The following RAD54B variants were observed in gnomAD, a reference collection of about 807,000 sequenced individuals.
RAD54B encodes the protein RAD54 homolog B.
A neutral mutation model predicts 95.8 loss-of-function variants in RAD54B; 78 were observed. That is an observed-to-expected ratio of 0.81 (90% CI 0.68 to 0.98). RAD54B has a LOEUF of 0.98. Among genes scored for constraint, RAD54B ranks in the 50% least tolerant of loss-of-function variants. RAD54B has a pLI of 0.00. For missense variants in RAD54B, 957 were observed against 1,056.6 expected (o/e 0.91, Z 1.31); for synonymous variants, 328 against 354.9 (o/e 0.92, Z 0.85).
intron 14 of RAD54B, among the ~76,000 whole-genome samples, chr8:94,377,922 G>A (rs1032454757): frequency 3.6e-5 from 5 of 138,518 alleles, no homozygotes; most frequent in African/African-American, 1.4e-4. Flanking sequence ...CTTGCAGTGA[G>A]CCGAGATCGC....
intron 3 of RAD54B, chr8:94,428,685 C>T: frequency 1.2e-6 from 1 of 859,728 alleles, no homozygotes; most frequent in Non-Finnish European, 1.4e-6. Flanking sequence ...TTTCAATCCA[C>T]AGTAGTTCAA....
In RAD54B at chr8:94,422,620, AT is replaced by A. The variant is rs1811845256; in HGVS notation, c.305-11306del. On this transcript the variant is annotated intron_variant, in intron 3 of 14. Coordinates refer to ENST00000336148, the MANE Select transcript of RAD54B (RefSeq NM_012415.3). The stretch of plus-strand genomic sequence containing the variant: ...AAAAAAAAAAAAAAAAAAAAAAAAT[AT>A]ATATATATATATATATATATATATA... 3.2e-3 allele frequency among the ~76,000 whole-genome samples: 134 copies of A among 42,322 alleles called. 2 individuals carry two copies. Among genetic ancestry groups the A allele is most frequent in the African/African-American group, 3.6e-3 (22 of 6,098 alleles). 27.8% of individuals were successfully genotyped at this position (42,322 alleles called of 152,430 possible).
At chr8:94,452,108 G>A (rs1371675798) in intron 3 of RAD54B, among the ~76,000 whole-genome samples, 1 of 152,206 alleles carries the variant, frequency 6.6e-6, no homozygotes, top group Non-Finnish European at 1.5e-5. Context: ...TGGTGAAAGA[G>A]AAATGGCAAC....
chr8:94,372,516 C>T lies in RAD54B; in HGVS notation c.2516-129G>A, dbSNP rs1810466183. 2.1e-6 allele frequency: 3 copies of T among 1,429,506 alleles called. No individual in the cohort carries two copies. In the Admixed American group the frequency reaches 8.7e-5, roughly 41 times the overall value. 88.6% of individuals were successfully genotyped at this position (1,429,506 alleles called of 1,614,324 possible). On this transcript the variant is annotated intron_variant, in intron 14 of 14. Coordinates refer to ENST00000336148, the MANE Select transcript of RAD54B (RefSeq NM_012415.3). ...TTGATCACCATGGTTCAAGTTAAAA[C>T]AAATTCATTCTTTTTACAAACATTT...
chr8:94,382,804 GCTCT>G (rs1810777824), intron 11 of RAD54B, among the ~76,000 whole-genome samples: 1 of 152,090 alleles, frequency 6.6e-6, no homozygotes. Flanking sequence ...GCTCTTGCTA[GCTCT>G]CTCTTTCCTG....
At chr8:94,390,122 T>C (rs1810981134) in intron 10 of RAD54B, among the ~76,000 whole-genome samples, 2 of 152,058 alleles carry the variant, frequency 1.3e-5, no homozygotes, top group South Asian at 4.2e-4. Flanking sequence ...GGAGGATCAC[T>C]TGAGCTCAGG....
At chr8:94,429,328 A>G (rs1812025352) in intron 3 of RAD54B, 1 of 503,002 alleles carries the variant, frequency 2.0e-6, no homozygotes, top group East Asian at 1.5e-4. Flanking sequence ...GTATATACAT[A>G]ATTTTTACCT....
chr8:94,452,284 A>G (rs1205187349), intron 3 of RAD54B, among the ~76,000 whole-genome samples: 2 of 152,200 alleles, frequency 1.3e-5, no homozygotes, highest in Non-Finnish European at 2.9e-5. Flanking sequence ...AGACCATAGC[A>G]TTGTATCAGT....
intron 12 of RAD54B, among the ~76,000 whole-genome samples, chr8:94,379,725 A>G (rs1374942719): frequency 6.6e-6 from 1 of 152,222 alleles, no homozygotes; most frequent in East Asian, 1.9e-4. Flanking sequence ...GGCTTCTCAA[A>G]CATTTTCCTA....
intron 2 of RAD54B, among the ~76,000 whole-genome samples, chr8:94,459,523 C>A (rs1389567593): frequency 6.6e-6 from 1 of 151,918 alleles, no homozygotes; most frequent in Non-Finnish European, 1.5e-5. Flanking sequence ...GAATTTGCAT[C>A]AAAATAAGAA....
At chr8:94,470,650 C>T (rs1351747388) in intron 1 of RAD54B, among the ~76,000 whole-genome samples, 1 of 151,478 alleles carries the variant, frequency 6.6e-6, no homozygotes, top group Non-Finnish European at 1.5e-5. Context: ...CCCAGCTACT[C>T]AGGAGGCTGA....
intron 3 of RAD54B, among the ~76,000 whole-genome samples, chr8:94,439,134 G>A (rs560856637): frequency 6.6e-6 from 1 of 152,236 alleles, no homozygotes; most frequent in African/African-American, 2.4e-5. Flanking sequence ...GAAAAGGATA[G>A]AAGGGAAAGA....
At chr8:94,467,753 G>A (rs549649486) in intron 1 of RAD54B, among the ~76,000 whole-genome samples, 198 bp from the exon 2 acceptor site, 1 of 152,298 alleles carries the variant, frequency 6.6e-6, no homozygotes, top group South Asian at 2.1e-4. Flanking sequence ...GCCCTGAAAA[G>A]TACATGAGCA....
intron 3 of RAD54B, among the ~76,000 whole-genome samples, chr8:94,434,625 T>C (rs1471791212): frequency 6.6e-6 from 1 of 151,764 alleles, no homozygotes; most frequent in African/African-American, 2.4e-5. Context: ...GTTAAGATTA[T>C]AGAATAATTA....
intron 11 of RAD54B, among the ~76,000 whole-genome samples, chr8:94,381,013 C>T (rs1379199597): frequency 6.6e-6 from 1 of 152,070 alleles, no homozygotes; most frequent in Non-Finnish European, 1.5e-5. Flanking sequence ...GGCAGGAGAG[C>T]CAATGTAGTG....
intron 10 of RAD54B, among the ~76,000 whole-genome samples, chr8:94,387,866 G>A (rs752083795): frequency 6.6e-5 from 10 of 152,072 alleles, no homozygotes; most frequent in Non-Finnish European, 1.3e-4. Flanking sequence ...CACTTTTTGG[G>A]TTAAATTCCT....
intron 10 of RAD54B, among the ~76,000 whole-genome samples, chr8:94,390,616 C>CAT (rs1206559908): frequency 6.8e-6 from 1 of 147,318 alleles, no homozygotes; most frequent in East Asian, 2.0e-4. Flanking sequence ...TACATATATA[C>CAT]ATATATATCT....
chr8:94,432,769 A>G, intron 3 of RAD54B: 2 of 1,288,600 alleles, frequency 1.6e-6, no homozygotes, highest in South Asian at 5.0e-5. Context: ...AAAACTATAA[A>G]GTTACAAAAT....
chr8:94,375,658 C>T (rs188260662), intron 14 of RAD54B, among the ~76,000 whole-genome samples: 2 of 152,118 alleles, frequency 1.3e-5, no homozygotes, highest in East Asian at 3.9e-4. Flanking sequence ...TATCTATACA[C>T]TGGAAGATTA....
Sources: allele counts gnomAD v4.1 joint callset (sites outside exome capture counted in the v4.1 genomes callset), GRCh38; gene constraint gnomAD v4.1.1; transcripts MANE v1.5; gene names NCBI Gene and HGNC (gene_info 2026-07-23, HGNC 2026-07-21).